SORCS3: variants seen among roughly 807,000 people sequenced by gnomAD.
SORCS3 encodes the protein sortilin related VPS10 domain containing receptor 3.
SORCS3 carries 57 observed loss-of-function variants against 146.3 expected under a neutral mutation model. The ratio of observed to expected loss-of-function variants is 0.39; its 90% confidence interval spans 0.31 to 0.49. The LOEUF (loss-of-function observed/expected upper bound fraction) is 0.49, where lower values mean the gene tolerates loss of function less well. SORCS3 is among the 20% of genes least tolerant of loss of function. The probability of loss-of-function intolerance (pLI) is 0.92; values close to 1 mark genes in which losing one functional copy is unlikely to be tolerated. For synonymous variants in SORCS3, 653 were observed against 618.5 expected, an observed-to-expected ratio of 1.06 and a Z score of -0.83; for missense variants, 1,341 against 1,575.5, an observed-to-expected ratio of 0.85 and a Z score of 2.52.
intron 3 of SORCS3, among the ~76,000 whole-genome samples, chr10:104,922,246 C>T (rs2019094678): frequency 6.6e-6 from 1 of 152,150 alleles, no homozygotes; most frequent in African/African-American, 2.4e-5. Context: ...CATTTTCAGT[C>T]CACAAATATT....
At chr10:104,901,590 C>G (rs1490081397) in intron 2 of SORCS3, among the ~76,000 whole-genome samples, 1 of 152,154 alleles carries the variant, frequency 6.6e-6, no homozygotes, top group African/African-American at 2.4e-5. Context: ...CCCCTCAAAC[C>G]TTCCCCTCAC....
At chr10:104,910,512 A>G (rs1444220117) in intron 2 of SORCS3, among the ~76,000 whole-genome samples, 1 of 152,224 alleles carries the variant, frequency 6.6e-6, no homozygotes, top group Non-Finnish European at 1.5e-5. Flanking sequence ...TGAATGAATG[A>G]CCACTAGGTA....
chr10:105,086,449 G>T lies in SORCS3; in HGVS notation c.1029-3326G>T, dbSNP rs1646381169. ...AGGAGAGAGATCAGTGTGAGCTGGT[G>T]ACGAGGGAAGGCTTCCAGGAGGACT... On this transcript the variant is annotated intron_variant, in intron 5 of 26. Coordinates refer to ENST00000369701, the MANE Select transcript of SORCS3 (RefSeq NM_014978.3). 2.0e-5 allele frequency among the ~76,000 whole-genome samples: 3 copies of T among 152,270 alleles called. No homozygotes were observed. In the South Asian group the frequency reaches 6.2e-4, roughly 32 times the overall value.
chr10:104,883,457 C>G (rs1156762056), intron 2 of SORCS3, among the ~76,000 whole-genome samples: 1 of 152,110 alleles, frequency 6.6e-6, no homozygotes, highest in Non-Finnish European at 1.5e-5. Context: ...GTGAGTGATT[C>G]ACTGGGAATG....
chr10:105,221,044 T>G (rs768417946), intron 19 of SORCS3, among the ~76,000 whole-genome samples: 3 of 152,240 alleles, frequency 2.0e-5, no homozygotes, highest in Non-Finnish European at 4.4e-5. Context: ...ATTCTCACAC[T>G]GTAGATACTC....
intron 4 of SORCS3, among the ~76,000 whole-genome samples, chr10:105,008,308 C>T (rs1179601883): frequency 1.3e-5 from 2 of 152,238 alleles, no homozygotes; most frequent in East Asian, 1.9e-4. Flanking sequence ...ATGATCTGTT[C>T]TTGGATGAAG....
At chr10:104,672,877 T>C (rs2015871510) in intron 1 of SORCS3, among the ~76,000 whole-genome samples, 1 of 152,222 alleles carries the variant, frequency 6.6e-6, no homozygotes, top group African/African-American at 2.4e-5. Flanking sequence ...TCAACTGTTA[T>C]TATGAAGCTA....
At chr10:105,234,191 A>T (rs1006273824) in intron 20 of SORCS3, among the ~76,000 whole-genome samples, 1 of 152,020 alleles carries the variant, frequency 6.6e-6, no homozygotes, top group African/African-American at 2.4e-5. Context: ...CCCTTTAAAT[A>T]TGTCTCTCTA....
chr10:104,793,533 A>G (rs1397754728), intron 1 of SORCS3, among the ~76,000 whole-genome samples: 1 of 152,136 alleles, frequency 6.6e-6, no homozygotes. Context: ...AAGATTATGG[A>G]AATCTGGACT....
At chr10:105,057,384 C>G (rs538061440) in intron 5 of SORCS3, among the ~76,000 whole-genome samples, 4 of 152,262 alleles carry the variant, frequency 2.6e-5, no homozygotes, top group African/African-American at 9.6e-5. Context: ...ACACAAGCTA[C>G]ATATGGGTAT....
intron 2 of SORCS3, among the ~76,000 whole-genome samples, chr10:104,853,036 A>G (rs374074708): frequency 3.3e-4 from 51 of 152,322 alleles, no homozygotes; most frequent in African/African-American, 1.2e-3. Flanking sequence ...GCGGTGGCTC[A>G]TGCCTGTAAT....
chr10:104,762,699 G>A (rs533163556), intron 1 of SORCS3, among the ~76,000 whole-genome samples: 20 of 152,146 alleles, frequency 1.3e-4, no homozygotes, highest in Non-Finnish European at 2.4e-4. Flanking sequence ...GAGATGTGAT[G>A]GTTTTAAAAG....
intron 3 of SORCS3, among the ~76,000 whole-genome samples, chr10:104,959,862 T>G (rs1254273955): frequency 2.0e-5 from 3 of 152,168 alleles, no homozygotes; most frequent in Non-Finnish European, 4.4e-5. Context: ...CATTTTTTTC[T>G]GGGAGCTAAA....
At chr10:105,244,241 T>G (rs2056852721) in intron 20 of SORCS3, among the ~76,000 whole-genome samples, 1 of 152,038 alleles carries the variant, frequency 6.6e-6, no homozygotes, top group Non-Finnish European at 1.5e-5. Context: ...AGCATCTGCT[T>G]TTTAATCAAG....
intron 2 of SORCS3, among the ~76,000 whole-genome samples, chr10:104,909,290 G>A (rs549214813): frequency 3.5e-4 from 54 of 152,246 alleles, no homozygotes; most frequent in East Asian, 2.1e-3. Flanking sequence ...TTAAATGGCC[G>A]GAAAGGGGAA....
At chr10:105,213,433 C>G (rs1326458126) in intron 17 of SORCS3, among the ~76,000 whole-genome samples, 1 of 152,104 alleles carries the variant, frequency 6.6e-6, no homozygotes, top group Non-Finnish European at 1.5e-5. Flanking sequence ...TGAAAGAAGA[C>G]AAAATGTAAT....
chr10:104,813,835 G>A (rs1003285666), intron 1 of SORCS3, among the ~76,000 whole-genome samples: 8 of 151,648 alleles, frequency 5.3e-5, no homozygotes, highest in East Asian at 1.9e-4. Context: ...CACCATTGTC[G>A]TGATCATTTT....
At chr10:104,799,706 C>T (rs1265725616) in intron 1 of SORCS3, among the ~76,000 whole-genome samples, 4 of 151,502 alleles carry the variant, frequency 2.6e-5, no homozygotes, top group Non-Finnish European at 4.4e-5. Context: ...GATGGAGTCT[C>T]GCTCTGTTGC....
chr10:105,087,376 C>T (rs997631552), intron 5 of SORCS3, among the ~76,000 whole-genome samples: 6 of 151,828 alleles, frequency 4.0e-5, no homozygotes, highest in Admixed American at 2.0e-4. Context: ...AACAAACCTG[C>T]GCATTCTGCA....
Sources: gnomAD v4.1 joint callset for allele counts (sites outside exome capture counted in the v4.1 genomes callset) on GRCh38, gnomAD v4.1.1 for gene constraint, MANE v1.5 for transcripts, NCBI Gene and HGNC (gene_info 2026-07-23, HGNC 2026-07-21) for gene names.